The following COL5A1 variants were observed in gnomAD, a reference collection of about 807,000 sequenced individuals.
The protein encoded by COL5A1 is collagen type V alpha 1 chain.
A neutral mutation model predicts 263.7 loss-of-function variants in COL5A1; 16 were observed. The ratio of observed to expected loss-of-function variants is 0.06; its 90% CI spans 0.04 to 0.09. The LOEUF (loss-of-function observed/expected upper bound fraction) is 0.09, where lower values mean the gene tolerates loss of function less well. COL5A1 is among the 10% of genes least tolerant of loss of function. The probability of loss-of-function intolerance (pLI) is 1.00; values close to 1 mark genes in which losing one functional copy is unlikely to be tolerated. For synonymous variants in COL5A1, 1,012 were observed against 1,004.5 expected (o/e 1.01, Z -0.14); for missense variants, 2,036 against 2,540.5 (o/e 0.80, Z 4.27).
At chr9:134,679,101 C>T (rs1488054422) in intron 1 of COL5A1, among the ~76,000 whole-genome samples, 3 of 152,232 alleles carry the variant, frequency 2.0e-5, no homozygotes, top group Admixed American at 6.5e-5. Context: ...TGATACCCTG[C>T]CATCAGCGCT....
Position 134,789,127 on chromosome 9 carries a change from G to C in COL5A1, c.2647-28G>C. On this transcript the variant is annotated intron_variant, in intron 31 of 65. Transcript: ENST00000371817. This position sits in a 1 kb window ranked among gnomAD's most constrained non-coding sequence, Gnocchi z 4.8. ...CATGACTCATTCCTGGCCCAGCTCT[G>C]ATGCCTCCTCCTTAAACTCTCTTTC... 1 of 1,610,322 alleles carries C rather than the reference G, an allele frequency of 6.2e-7. No homozygotes were observed. Among genetic ancestry groups the C allele is most frequent in the Non-Finnish European group, 8.5e-7 (1 of 1,177,684 alleles).
chr9:134,761,468 G>A (rs544638945), intron 18 of COL5A1, among the ~76,000 whole-genome samples: 38 of 152,348 alleles, frequency 2.5e-4, no homozygotes, highest in African/African-American at 7.7e-4. Context: ...AGCCATGAAG[G>A]CTGTCCCTGA....
chr9:134,690,073 G>A (rs1833222080), intron 1 of COL5A1, among the ~76,000 whole-genome samples: 1 of 152,144 alleles, frequency 6.6e-6, no homozygotes, highest in Non-Finnish European at 1.5e-5. Context: ...TGACCATTGA[G>A]CTCCCTGGTA....
At chr9:134,747,552 T>C (rs1835563893) in intron 11 of COL5A1, among the ~76,000 whole-genome samples, 1 of 151,856 alleles carries the variant, frequency 6.6e-6, no homozygotes, top group African/African-American at 2.4e-5. Flanking sequence ...CACCTGCATA[T>C]GCATGCATAC....
At chr9:134,656,414 G>A (rs1030312598) in intron 1 of COL5A1, among the ~76,000 whole-genome samples, 4 of 152,214 alleles carry the variant, frequency 2.6e-5, no homozygotes, top group African/African-American at 7.2e-5. Context: ...TTCGGAGGCC[G>A]AGAGAGCAGG....
chr9:134,701,424 C>G (rs961178314), intron 4 of COL5A1, 91 bp downstream of exon 4: 1 of 1,343,646 alleles, frequency 7.4e-7, no homozygotes, highest in Non-Finnish European at 1.0e-6. Flanking sequence ...CTCCTCGGGC[C>G]GGGACCGGCT....
At chr9:134,795,400 G>A in intron 34 of COL5A1, 85 bp downstream of exon 34, 1 of 1,130,942 alleles carries the variant, frequency 8.8e-7, no homozygotes, top group Non-Finnish European at 1.3e-6. Flanking sequence ...GGGTGTCTGT[G>A]ACCTTTTTTA....
Position 134,642,214 on chromosome 9 carries a change from G to T in COL5A1, c.27G>T (p.Ala9=). 7.7e-7 allele frequency: 1 copy of T among 1,304,232 alleles called. No individual in the cohort carries two copies. The highest frequency in any genetic ancestry group is 3.0e-5 in the Admixed American group (1 of 33,350). The allele number at this position is 1,304,232 out of a possible 1,614,324, so 80.8% of individuals were successfully genotyped here. MDVHTRWK[A]RSALRPGAPL... ...TGGACGTCCATACCCGCTGGAAAGC[G>T]CGCAGCGCGCTCCGCCCGGGCGCCC... The change falls in exon 1 of 66, where the codon GCG becomes GCT. Residue 9 remains alanine (A), a synonymous_variant. Transcript: ENST00000371817. This position sits in a 1 kb window ranked among gnomAD's most constrained non-coding sequence, Gnocchi z 4.5.
At chr9:134,708,420 G>T (rs1202264706) in intron 4 of COL5A1, 1 of 316,110 alleles carries the variant, frequency 3.2e-6, no homozygotes. Flanking sequence ...AGCAACTCCC[G>T]GGGTGGGGGC....
chr9:134,824,120 C>G (rs1017894590), intron 61 of COL5A1, among the ~76,000 whole-genome samples: 1 of 152,130 alleles, frequency 6.6e-6, no homozygotes, highest in Non-Finnish European at 1.5e-5. Flanking sequence ...TTGGACACCC[C>G]CCTTTGGTTG....
rs372181142 is a variant in COL5A1, at chr9:134,699,949, G to A, written c.318G>A (p.Val106=). ...AGGACTTCTCCATCCTAACAACTGT[G>A]AAAGCCAAGAAAGGCAGCCAGGCCT... The part of the protein sequence containing the change: ...FPEDFSILTT[V]KAKKGSQAFL... Residue 106 remains valine (V), a synonymous_variant, in exon 3 of 66, where the codon GTG becomes GTA. Coordinates refer to ENST00000371817, the MANE Select transcript of COL5A1 (RefSeq NM_000093.5). The A allele has an allele frequency of 6.2e-7, 1 of 1,613,980 alleles. No homozygotes were observed. The highest frequency in any genetic ancestry group is 1.3e-5 in the African/African-American group (1 of 75,046).
At chr9:134,749,655 A>C (rs1233095818) in intron 11 of COL5A1, among the ~76,000 whole-genome samples, 1 of 152,168 alleles carries the variant, frequency 6.6e-6, no homozygotes, top group East Asian at 1.9e-4. Flanking sequence ...CTGATTCGGA[A>C]GACTGCAGCC....
chr9:134,725,269 C>G (rs532040299), intron 4 of COL5A1, among the ~76,000 whole-genome samples: 1 of 152,342 alleles, frequency 6.6e-6, no homozygotes, highest in South Asian at 2.1e-4. Context: ...GGTGACCTCA[C>G]AGGTCCTCGG....
In COL5A1 at chr9:134,754,024, C is replaced by T. The variant is rs1322890702; in HGVS notation, c.1773+121C>T. The T allele has an allele frequency of 1.0e-6, 1 of 986,506 alleles. No individual in the cohort carries two copies. The highest frequency in any genetic ancestry group is 1.8e-5 in the Admixed American group (1 of 54,824). The allele number at this position is 986,506 out of a possible 1,614,324, so 61.1% of individuals were successfully genotyped here. On this transcript the variant is annotated intron_variant, in intron 15 of 65. Coordinates refer to ENST00000371817, the MANE Select transcript of COL5A1 (RefSeq NM_000093.5). This position sits in a 1 kb window ranked among gnomAD's most constrained non-coding sequence, Gnocchi z 4.3. ...TTCAAGGAAATTCGTGGGAATTGTC[C>T]TTGCTTTACGCAGTGCTGAGGGTGG...
chr9:134,659,884 C>T (rs755798609), intron 1 of COL5A1, among the ~76,000 whole-genome samples: 9 of 152,182 alleles, frequency 5.9e-5, no homozygotes, highest in East Asian at 5.8e-4. Context: ...TCCATTTTAG[C>T]GGGAAGGAAA....
rs1226822651 is a variant in COL5A1 at position 134,750,719 on chromosome 9, C to T, written c.1570-71C>T. Reference sequence around the variant, plus strand: ...TGTCACTGGAGAGGCCTGTGGGCCCCGTCTCAGTCTGTGGTCTTGCCTGGG... The same window carrying T: ...TGTCACTGGAGAGGCCTGTGGGCCCTGTCTCAGTCTGTGGTCTTGCCTGGG... On this transcript the variant is annotated intron_variant, in intron 12 of 65. Transcript: ENST00000371817. 19 of 1,596,932 alleles carry T rather than the reference C, an allele frequency of 1.2e-5. 1 individual carries two copies. The East Asian group carries it at 2.2e-4, about 19-fold the overall frequency.
chr9:134,821,462 G>A lies in COL5A1; in HGVS notation c.4555-635G>A, dbSNP rs943860235. 6.6e-6 allele frequency among the ~76,000 whole-genome samples: 1 copy of A among 152,176 alleles called. No individual in the cohort carries two copies. Among genetic ancestry groups the A allele is most frequent in the South Asian group, 2.1e-4 (1 of 4,826 alleles). ...CTCGCCCCCAGCTTCTGCCCGGAGA[G>A]AGCTCTGAGTGGAATCCAGGGCTGT... On this transcript the variant is annotated intron_variant, in intron 58 of 65. Transcript: ENST00000371817. The surrounding 1 kb of genome is among the most constrained non-coding windows in gnomAD (Gnocchi z 4.2).
intron 45 of COL5A1, 46 bp downstream of exon 45, chr9:134,811,438 C>A: frequency 3.7e-6 from 6 of 1,613,396 alleles, no homozygotes; most frequent in South Asian, 1.1e-5. Context: ...CACGCCCCCC[C>A]AGAGCTGCTG....
intron 9 of COL5A1, among the ~76,000 whole-genome samples, chr9:134,734,920 T>C (rs1245098640): frequency 6.6e-6 from 1 of 152,200 alleles, no homozygotes; most frequent in Non-Finnish European, 1.5e-5. Context: ...GTTAAAATTG[T>C]ATGCATTCGG....
Sources: gnomAD v4.1 joint callset for allele counts (sites outside exome capture counted in the v4.1 genomes callset) on GRCh38, gnomAD v4.1.1 for gene constraint, Gnocchi (gnomAD v3.1) non-coding constraint, MANE v1.5 for transcripts, NCBI Gene and HGNC (gene_info 2026-07-23, HGNC 2026-07-21) for gene names.